GFM1: variants seen among roughly 807,000 people sequenced by gnomAD.
The protein encoded by GFM1 is elongation factor G, mitochondrial.
In GFM1, 62 loss-of-function variants were observed where a neutral mutation model predicts 96.2. The observed-to-expected ratio is 0.64, with a 90% CI of 0.53 to 0.80. GFM1 has a LOEUF of 0.80. Ranked by LOEUF, GFM1 falls within the 30% of genes least tolerant of loss-of-function variation. The probability of loss-of-function intolerance (pLI) is 0.00; values close to 1 mark genes in which losing one functional copy is unlikely to be tolerated. For missense variants in GFM1, 852 were observed against 916.6 expected (o/e 0.93, Z 0.91); for synonymous variants, 282 against 312.9 (o/e 0.90, Z 1.04).
Position 158,682,149 on chromosome 3 carries a change from G to T in GFM1, c.1756G>T (p.Val586Leu). The T allele has an allele frequency of 6.2e-7, 1 of 1,612,930 alleles. No homozygotes were observed. Among genetic ancestry groups the T allele is most frequent in the Non-Finnish European group, 8.5e-7 (1 of 1,179,342 alleles). Reference protein sequence around the residue: ...SNIPKQFVPAVEKGFLDACEK... With the variant: ...SNIPKQFVPALEKGFLDACEK... ...TATTCCAAAGCAGTTTGTGCCTGCT[G>T]TAGAAAAGGTAAATTTTTAAAAAAG... Residue 586 changes from valine (V) to leucine (L), a missense_variant, in exon 14 of 18, where the codon GTA becomes TTA. Transcript: ENST00000486715.
chr3:158,649,652 A>G (rs1482975763), intron 5 of GFM1: 1 of 241,738 alleles, frequency 4.1e-6, no homozygotes, highest in East Asian at 8.6e-5. Flanking sequence ...GGTTTGGGAA[A>G]TGCAAGAAAT....
Position 158,659,007 on chromosome 3 carries a change from G to A in GFM1, c.1169G>A (p.Arg390Lys). 6.2e-7 allele frequency: 1 copy of A among 1,614,214 alleles called. No individual in the cohort carries two copies. The change falls in exon 9 of 18, where the codon AGA (arginine) becomes AAA (lysine). Residue 390 changes from arginine (R) to lysine (K), a missense_variant. By Grantham distance (26) the Arg-to-Lys change is conservative (BLOSUM62 2). Transcript: ENST00000486715. ...GACACCATCTATAACACAAGGACAA[G>A]AAAGAAAGTACGGTTGCAACGGCTG... is the stretch of plus-strand genomic sequence containing the variant. Reference protein sequence around the residue: ...KGDTIYNTRTRKKVRLQRLAR... With the variant: ...KGDTIYNTRTKKKVRLQRLAR...
chr3:158,694,049 C>A lies in GFM1; in HGVS notation c.*2582C>A, dbSNP rs753944415. ...TTTTAAGAGATGGGGTCTTCTAAGA[C>A]AAAAACCATCTGACTCAGCAATACC... On this transcript the variant is annotated 3_prime_UTR_variant, in exon 18 of 18. Transcript: ENST00000486715. 1.4e-4 allele frequency among the ~76,000 whole-genome samples: 21 copies of A among 151,054 alleles called. No homozygotes were observed. Among genetic ancestry groups the A allele is most frequent in the Non-Finnish European group, 1.6e-4 (11 of 67,792 alleles).
chr3:158,646,332 T>C (rs529240264), intron 3 of GFM1, 35 bp downstream of exon 3: 2 of 1,611,916 alleles, frequency 1.2e-6, no homozygotes, highest in African/African-American at 2.7e-5. Flanking sequence ...GCAGCTTCTT[T>C]GGCAAAAGCA....
intron 13 of GFM1, among the ~76,000 whole-genome samples, chr3:158,675,217 C>T (rs1438797104): frequency 1.6e-5 from 2 of 128,220 alleles, no homozygotes; most frequent in Non-Finnish European, 1.6e-5. Flanking sequence ...ACCCAGGAGG[C>T]GGAGGTTGCA....
intron 13 of GFM1, among the ~76,000 whole-genome samples, chr3:158,672,966 A>G (rs1261762524): frequency 6.6e-6 from 1 of 152,138 alleles, no homozygotes; most frequent in Non-Finnish European, 1.5e-5. Flanking sequence ...CTGGAGCACA[A>G]CTTCCTTATA....
At chr3:158,655,518 A>G (rs750489435) in intron 8 of GFM1, among the ~76,000 whole-genome samples, 41 of 152,056 alleles carry the variant, frequency 2.7e-4, no homozygotes, top group Non-Finnish European at 4.7e-4. Context: ...CAGTAATTAC[A>G]ATTTGATAAA....
At position 158,695,142 on chromosome 3, in the gene GFM1, G is replaced by C. The variant is rs1045576146; in HGVS notation, c.*3675G>C. ...TAATTCCAGCACTTTGGGAGGCCAA[G>C]GTGGGTGGATAACCTGAGGTCAGGA... On this transcript the variant is annotated 3_prime_UTR_variant, in exon 18 of 18. Transcript: ENST00000486715. Among the ~76,000 whole-genome samples the C allele has an allele frequency of 7.2e-5, 11 of 152,228 alleles. No individual in the cohort carries two copies. Among genetic ancestry groups the C allele is most frequent in the Non-Finnish European group, 1.5e-4 (10 of 68,038 alleles).
At position 158,694,166 on chromosome 3, in the gene GFM1, T is replaced by C. The variant is rs1726469772; in HGVS notation, c.*2699T>C. Among the ~76,000 whole-genome samples the C allele has an allele frequency of 6.6e-6, 1 of 152,108 alleles. No individual in the cohort carries two copies. Among genetic ancestry groups the C allele is most frequent in the African/African-American group, 2.4e-5 (1 of 41,418 alleles). ...GCAGAACTGTTCATAATGGCAAAGA[T>C]ATGGAATCAACCTAAATGCCTATCA... On this transcript the variant is annotated 3_prime_UTR_variant, in exon 18 of 18. Coordinates refer to ENST00000486715, the MANE Select transcript of GFM1 (RefSeq NM_024996.7).
intron 13 of GFM1, among the ~76,000 whole-genome samples, chr3:158,680,039 T>A (rs1183857349): frequency 2.6e-5 from 4 of 152,176 alleles, no homozygotes; most frequent in Admixed American, 6.5e-5. Context: ...GACTCTAAAG[T>A]CAAAACAAAT....
intron 13 of GFM1, among the ~76,000 whole-genome samples, chr3:158,677,597 TG>T (rs1432837083): frequency 6.6e-6 from 1 of 152,208 alleles, no homozygotes; most frequent in Non-Finnish European, 1.5e-5. Context: ...CTCTGCTTCC[TG>T]GGTTCAAGCA....
rs1722466384 is a variant in GFM1, at chr3:158,653,446, A to G, written c.977A>G (p.Tyr326Cys). ...CCAAATCCATCTGAAGTCCAGAACT[A>G]TGCTATTCTCAATAAAGAGGAGTAA... The part of the protein sequence containing the change: ...YLPNPSEVQN[Y>C]AILNKEDDSK... Residue 326 changes from tyrosine to cysteine, a missense_variant, in exon 7 of 18, where the codon TAT (tyrosine) becomes TGT (cysteine). By Grantham distance (194) the Tyr-to-Cys change is radical. Transcript: ENST00000486715. The G allele has an allele frequency of 1.2e-6, 2 of 1,613,108 alleles. No individual in the cohort carries two copies. The highest frequency in any genetic ancestry group is 1.1e-5 in the South Asian group (1 of 91,032).
chr3:158,655,914 G>A (rs761826743), intron 8 of GFM1: 4 of 457,154 alleles, frequency 8.7e-6, no homozygotes, highest in South Asian at 3.1e-5. Flanking sequence ...CTCCTAGGCT[G>A]TAATAGTTTC....
chr3:158,654,985 CA>C (rs1722626053), intron 8 of GFM1, among the ~76,000 whole-genome samples: 1 of 152,062 alleles, frequency 6.6e-6, no homozygotes. Flanking sequence ...GTAGATACAC[CA>C]AAATTTGCTT....
chr3:158,649,823 G>C (rs1278891239), intron 5 of GFM1: 1 of 573,974 alleles, frequency 1.7e-6, no homozygotes, highest in Non-Finnish European at 3.1e-6. Flanking sequence ...TACCTCCAGA[G>C]ATTCTGATCA....
At chr3:158,648,264 G>A (rs943788054) in intron 4 of GFM1, among the ~76,000 whole-genome samples, 3 of 151,976 alleles carry the variant, frequency 2.0e-5, no homozygotes, top group African/African-American at 7.3e-5. Context: ...CAAATATTTG[G>A]TGATTCTTAG....
At chr3:158,671,201 A>G (rs1340123365) in intron 13 of GFM1, among the ~76,000 whole-genome samples, 1 of 152,208 alleles carries the variant, frequency 6.6e-6, no homozygotes, top group Non-Finnish European at 1.5e-5. Flanking sequence ...TCCCCTATCA[A>G]GTTTATTTTG....
At chr3:158,680,227 T>A (rs1576783960) in intron 13 of GFM1, among the ~76,000 whole-genome samples, 1 of 152,308 alleles carries the variant, frequency 6.6e-6, no homozygotes, top group East Asian at 1.9e-4. Flanking sequence ...TGGTGAAGTC[T>A]GGGCTTTTAG....
intron 13 of GFM1, among the ~76,000 whole-genome samples, chr3:158,673,118 C>T (rs1270483114): frequency 6.6e-6 from 1 of 151,828 alleles, no homozygotes; most frequent in Non-Finnish European, 1.5e-5. Flanking sequence ...CCAGTTCTGC[C>T]CAAATCAAAG....
Sources: gnomAD v4.1 joint callset for allele counts (sites outside exome capture counted in the v4.1 genomes callset) on GRCh38, gnomAD v4.1.1 for gene constraint, MANE v1.5 for transcripts, NCBI Gene and HGNC (gene_info 2026-07-23, HGNC 2026-07-21) for gene names.